Variants in LRP1B observed in about 807,000 individuals in gnomAD.
LRP1B encodes low-density lipoprotein receptor-related protein 1B.
A neutral mutation model predicts 556.6 loss-of-function variants in LRP1B; 217 were observed. That is an observed-to-expected ratio of 0.39 (90% CI 0.35 to 0.44). LRP1B has a LOEUF of 0.44. Among genes scored for constraint, LRP1B ranks in the 20% least tolerant of loss-of-function variants. The pLI, the probability that LRP1B is intolerant of heterozygous loss-of-function variation, is 1.00. For missense variants in LRP1B, 5,053 were observed against 5,620.8 expected (o/e 0.90, Z 3.23); for synonymous variants, 2,047 against 1,865.8 (o/e 1.10, Z -2.50).
At chr2:140,933,734 T>C (rs1695121238) in intron 20 of LRP1B, among the ~76,000 whole-genome samples, 1 of 152,094 alleles carries the variant, frequency 6.6e-6, no homozygotes, top group Non-Finnish European at 1.5e-5. Flanking sequence ...ATAGTAAAAA[T>C]AAAGATAATT....
intron 1 of LRP1B, among the ~76,000 whole-genome samples, chr2:141,972,193 A>G (rs1701761385): frequency 6.6e-6 from 1 of 151,618 alleles, no homozygotes; most frequent in Non-Finnish European, 1.5e-5. Flanking sequence ...AATGCATGCG[A>G]CAGTCACCAT....
chr2:140,307,324 A>T (rs1280311449), intron 83 of LRP1B, among the ~76,000 whole-genome samples: 3 of 151,974 alleles, frequency 2.0e-5, no homozygotes, highest in Admixed American at 6.6e-5. Context: ...GCCAGTCCAC[A>T]GTAACTGGAA....
intron 82 of LRP1B, among the ~76,000 whole-genome samples, chr2:140,317,958 C>T (rs1684601064): frequency 6.7e-6 from 1 of 149,648 alleles, no homozygotes; most frequent in African/African-American, 2.6e-5. Context: ...TTGTCAATAA[C>T]TAAATCACCC....
At chr2:141,168,020 G>A (rs1680341233) in intron 7 of LRP1B, among the ~76,000 whole-genome samples, 1 of 152,004 alleles carries the variant, frequency 6.6e-6, no homozygotes, top group African/African-American at 2.4e-5. Flanking sequence ...TATTAAAATG[G>A]AAAGTATAGT....
At chr2:140,249,706 T>A (rs1681322539) in intron 86 of LRP1B, among the ~76,000 whole-genome samples, 1 of 151,798 alleles carries the variant, frequency 6.6e-6, no homozygotes. Flanking sequence ...AAACATCTCT[T>A]TTGAGTTATT....
rs774177105 is a variant in LRP1B, at chr2:140,776,255, T to C, written c.5360-17A>G. 3.2e-6 allele frequency: 5 copies of C among 1,548,004 alleles called. No individual in the cohort carries two copies. Among genetic ancestry groups the C allele is most frequent in the Admixed American group, 3.9e-5 (2 of 51,538 alleles). ...GTTTCTTATCTAGAAAAAGGAAAGATATTTTTTAAAGGAAAGTATAATTAT... is the reference window on the plus strand; with the variant it reads ...GTTTCTTATCTAGAAAAAGGAAAGACATTTTTTAAAGGAAAGTATAATTAT... On this transcript the variant is annotated splice_polypyrimidine_tract_variant and intron_variant, in intron 32 of 90. Coordinates refer to ENST00000389484, the MANE Select transcript of LRP1B (RefSeq NM_018557.3).
chr2:141,256,283 GAA>G (rs1488032199), intron 3 of LRP1B, among the ~76,000 whole-genome samples: 12 of 151,716 alleles, frequency 7.9e-5, no homozygotes, highest in African/African-American at 2.9e-4. Context: ...GACAATATGA[GAA>G]AGTAAATAGA....
At chr2:140,308,041 T>C (rs1437839233) in intron 83 of LRP1B, among the ~76,000 whole-genome samples, 1 of 151,850 alleles carries the variant, frequency 6.6e-6, no homozygotes, top group East Asian at 1.9e-4. Flanking sequence ...GCTAATAATT[T>C]TAGAGTAAAA....
At chr2:141,813,222 T>C (rs1476334199) in intron 1 of LRP1B, among the ~76,000 whole-genome samples, 1 of 152,066 alleles carries the variant, frequency 6.6e-6, no homozygotes, top group Non-Finnish European at 1.5e-5. Context: ...AATGGGAGGA[T>C]AGAAACAAAA....
At chr2:140,908,276 T>G (rs1413533631) in intron 21 of LRP1B, among the ~76,000 whole-genome samples, 199 bp from the exon 22 acceptor site, 3 of 150,750 alleles carry the variant, frequency 2.0e-5, no homozygotes, top group Non-Finnish European at 4.4e-5. Context: ...AGTGCTCTTA[T>G]TGTTTGAGCT....
At chr2:140,260,468 A>G (rs972073968) in intron 86 of LRP1B, among the ~76,000 whole-genome samples, 1 of 151,802 alleles carries the variant, frequency 6.6e-6, no homozygotes, top group African/African-American at 2.4e-5. Flanking sequence ...GTGTATGTAC[A>G]TGTGTATTAT....
intron 2 of LRP1B, among the ~76,000 whole-genome samples, chr2:141,598,975 C>T (rs751942767): frequency 2.1e-4 from 32 of 150,594 alleles, no homozygotes; most frequent in South Asian, 1.0e-3. Flanking sequence ...CTGTGGCCCT[C>T]TCAAATACAA....
At chr2:141,316,652 A>G (rs986830302) in intron 3 of LRP1B, among the ~76,000 whole-genome samples, 1 of 152,214 alleles carries the variant, frequency 6.6e-6, no homozygotes, top group Non-Finnish European at 1.5e-5. Context: ...AGTTCTGAGC[A>G]TTGAAGGGTA....
rs116378698 is a variant in LRP1B at position 141,738,999 on chromosome 2, C to A, written c.205+71280G>T. Among the ~76,000 whole-genome samples the A allele has an allele frequency of 1.3e-3, 195 of 152,202 alleles. 1 individual carries two copies. Among genetic ancestry groups the A allele is most frequent in the African/African-American group, 4.6e-3 (189 of 41,532 alleles). On this transcript the variant is annotated intron_variant, in intron 2 of 90. Transcript: ENST00000389484. ...ACATTGCAAAATATTTTATTCAACACTAACGTATGTACACTCACATAAAGC... is the reference window on the plus strand; with the variant it reads ...ACATTGCAAAATATTTTATTCAACAATAACGTATGTACACTCACATAAAGC...
intron 35 of LRP1B, among the ~76,000 whole-genome samples, chr2:140,725,654 T>A (rs1479996589): frequency 2.6e-5 from 4 of 151,616 alleles, no homozygotes; most frequent in African/African-American, 9.7e-5. Flanking sequence ...CTGCACATTG[T>A]GCACATGTAC....
intron 77 of LRP1B, 106 bp downstream of exon 77, chr2:140,350,686 ATAATT>A: frequency 1.1e-6 from 1 of 873,418 alleles, no homozygotes; most frequent in Non-Finnish European, 1.7e-6. Context: ...TATTGGGAGA[ATAATT>A]GAATATATTA....
intron 43 of LRP1B, among the ~76,000 whole-genome samples, chr2:140,545,493 C>T (rs1680296543): frequency 6.6e-6 from 1 of 152,064 alleles, no homozygotes; most frequent in Non-Finnish European, 1.5e-5. Context: ...CAGTTTCAAT[C>T]TTCTGCATAT....
At chr2:140,484,715 C>A (rs1352362416) in intron 59 of LRP1B, among the ~76,000 whole-genome samples, 1 of 152,120 alleles carries the variant, frequency 6.6e-6, no homozygotes, top group Non-Finnish European at 1.5e-5. Flanking sequence ...CAAACATACA[C>A]CAGACAGCTT....
chr2:141,645,469 C>CTTTTTTTTTTTTTTTTTT (rs750147915), intron 2 of LRP1B, among the ~76,000 whole-genome samples: 1 of 48,402 alleles, frequency 2.1e-5, no homozygotes, highest in Non-Finnish European at 3.6e-5. Flanking sequence ...GAAGACAAGG[C>CTTTTTTTTTTTTTTTTTT]TTTTTTTTTT....
Sources: allele counts gnomAD v4.1 joint callset (sites outside exome capture counted in the v4.1 genomes callset), GRCh38; gene constraint gnomAD v4.1.1; transcripts MANE v1.5; gene names NCBI Gene and HGNC (gene_info 2026-07-23, HGNC 2026-07-21).